The following PHACTR4 variants were observed in gnomAD, a reference collection of about 807,000 sequenced individuals.
PHACTR4 encodes the protein phosphatase and actin regulator 4, also known as protein phosphatase 1, regulatory subunit 124.
PHACTR4 carries 51 observed loss-of-function variants against 72.7 expected under a neutral mutation model. The ratio of observed to expected loss-of-function variants is 0.70; its 90% CI spans 0.56 to 0.89. The LOEUF is 0.89. Ranked by LOEUF, PHACTR4 falls within the 40% of genes least tolerant of loss-of-function variation. The probability of loss-of-function intolerance (pLI) is 0.00; values close to 1 mark genes in which losing one functional copy is unlikely to be tolerated. For synonymous variants in PHACTR4, 255 were observed against 302.5 expected (o/e 0.84, Z 1.63); for missense variants, 731 against 861.8 (o/e 0.85, Z 1.90).
intron 2 of PHACTR4, among the ~76,000 whole-genome samples, chr1:28,414,570 G>A (rs998087395): frequency 3.3e-5 from 5 of 151,612 alleles, no homozygotes; most frequent in African/African-American, 9.7e-5. Context: ...TAAAGATGCA[G>A]TCTCCCTATG....
In PHACTR4 at chr1:28,450,974, C is replaced by CTTTTTT. The variant is rs1188704308; in HGVS notation, c.17-8096_17-8091dup. The stretch of plus-strand genomic sequence containing the variant: ...TACAGGCATGTACCACCACACCCAG[C>CTTTTTT]TTTTTTTTTTTTTTTTTTTTGTATT... On this transcript the variant is annotated intron_variant, in intron 2 of 13. Transcript: ENST00000373839. Among the ~76,000 whole-genome samples the CTTTTTT allele has an allele frequency of 5.2e-3, 371 of 71,992 alleles. 17 individuals carry two copies. The highest frequency in any genetic ancestry group is 0.017 in the African/African-American group (250 of 14,590). The allele number at this position is 71,992 out of a possible 152,430, so 47.2% of individuals were successfully genotyped here.
At chr1:28,441,421 A>G (rs544928122) in intron 2 of PHACTR4, among the ~76,000 whole-genome samples, 4 of 152,250 alleles carry the variant, frequency 2.6e-5, no homozygotes, top group Middle Eastern at 3.4e-3. Context: ...GATTCCCTTG[A>G]CTTGTAATGG....
intron 2 of PHACTR4, among the ~76,000 whole-genome samples, chr1:28,453,053 A>T (rs1250829682): frequency 6.6e-6 from 1 of 152,128 alleles, no homozygotes; most frequent in African/African-American, 2.4e-5. Context: ...CAGGAGGCAG[A>T]GGTTGTGGTG....
At chr1:28,373,941 T>TA (rs1651449371) in intron 1 of PHACTR4, among the ~76,000 whole-genome samples, 1 of 152,192 alleles carries the variant, frequency 6.6e-6, no homozygotes, top group Non-Finnish European at 1.5e-5. Flanking sequence ...TCACACTTAT[T>TA]ACAGCTACTA....
At chr1:28,460,777 G>A (rs559856971) in intron 4 of PHACTR4, among the ~76,000 whole-genome samples, 2 of 152,208 alleles carry the variant, frequency 1.3e-5, no homozygotes, top group East Asian at 1.9e-4. Context: ...CCAAAGTTCT[G>A]GGACTACAGG....
intron 2 of PHACTR4, among the ~76,000 whole-genome samples, chr1:28,408,585 G>T (rs1489692730): frequency 6.6e-6 from 1 of 151,760 alleles, no homozygotes; most frequent in Non-Finnish European, 1.5e-5. Context: ...GAAAGATAAC[G>T]TGGAAGTAAT....
chr1:28,407,362 G>T, intron 1 of PHACTR4, 48 bp from the exon 2 acceptor site: 1 of 1,000,662 alleles, frequency 1.0e-6, no homozygotes, highest in Non-Finnish European at 1.5e-6. Flanking sequence ...CATAAAAGGT[G>T]ATGGACTATA....
intron 2 of PHACTR4, among the ~76,000 whole-genome samples, chr1:28,439,669 A>T (rs1417845072): frequency 6.6e-6 from 1 of 152,218 alleles, no homozygotes. Flanking sequence ...GCCACTCCCC[A>T]GCCTAACAGA....
chr1:28,429,017 G>A (rs1225685402), intron 2 of PHACTR4, among the ~76,000 whole-genome samples: 1 of 152,204 alleles, frequency 6.6e-6, no homozygotes, highest in Non-Finnish European at 1.5e-5. Flanking sequence ...CCTTCTAGAA[G>A]TGGAGGCAAG....
intron 2 of PHACTR4, among the ~76,000 whole-genome samples, chr1:28,408,285 C>T (rs564800351): frequency 7.5e-6 from 1 of 134,082 alleles, no homozygotes; most frequent in South Asian, 2.3e-4. Flanking sequence ...AGTGACTGGG[C>T]GCAGTGGCTC....
chr1:28,450,063 G>T (rs973403996), intron 2 of PHACTR4, among the ~76,000 whole-genome samples: 11 of 151,886 alleles, frequency 7.2e-5, no homozygotes, highest in African/African-American at 2.7e-4. Flanking sequence ...TGGTTTCAGG[G>T]TACTACTCAA....
chr1:28,496,490 A>G, intron 13 of PHACTR4, 44 bp from the exon 14 acceptor site: 3 of 1,605,572 alleles, frequency 1.9e-6, no homozygotes, highest in South Asian at 1.1e-5. Flanking sequence ...TAGCAAAGCA[A>G]TGTACATCAT....
Position 28,381,901 on chromosome 1 carries a change from T to G in PHACTR4, c.-39+12076T>G, listed in dbSNP as rs964334217. On this transcript the variant is annotated intron_variant, in intron 1 of 13. Coordinates refer to ENST00000373839, the MANE Select transcript of PHACTR4 (RefSeq NM_001048183.3). Reference sequence around the variant, plus strand: ...GATTCTTGTGCTTCAGCCTCCTGAGTAGCTGGGATGACTACACCACCACGC... The same window carrying G: ...GATTCTTGTGCTTCAGCCTCCTGAGGAGCTGGGATGACTACACCACCACGC... Among the ~76,000 whole-genome samples, 24 of 152,032 alleles carry G rather than the reference T, an allele frequency of 1.6e-4. 1 individual carries two copies. The highest frequency in any genetic ancestry group is 1.1e-3 in the Admixed American group (17 of 15,244).
intron 2 of PHACTR4, among the ~76,000 whole-genome samples, chr1:28,411,573 A>G (rs1283496283): frequency 6.6e-6 from 1 of 152,206 alleles, no homozygotes; most frequent in Non-Finnish European, 1.5e-5. Context: ...TCATTTGACA[A>G]AGAAAAGAAT....
intron 1 of PHACTR4, among the ~76,000 whole-genome samples, chr1:28,404,256 C>G (rs1241591488): frequency 1.6e-5 from 2 of 121,764 alleles, no homozygotes; most frequent in East Asian, 5.5e-4. Context: ...GGCCTGTGTA[C>G]AAGATTTTGT....
At chr1:28,413,304 G>C (rs1256043857) in intron 2 of PHACTR4, among the ~76,000 whole-genome samples, 1 of 152,162 alleles carries the variant, frequency 6.6e-6, no homozygotes, top group Non-Finnish European at 1.5e-5. Flanking sequence ...TATTGGTGAT[G>C]ACAGCTTTCA....
chr1:28,459,879 A>G (rs1160276844), intron 3 of PHACTR4, among the ~76,000 whole-genome samples: 1 of 152,164 alleles, frequency 6.6e-6, no homozygotes, highest in African/African-American at 2.4e-5. Flanking sequence ...GGTGAAGAAA[A>G]TGACTGAATG....
At chr1:28,419,585 G>A (rs1171711208) in intron 2 of PHACTR4, among the ~76,000 whole-genome samples, 1 of 151,846 alleles carries the variant, frequency 6.6e-6, no homozygotes, top group Non-Finnish European at 1.5e-5. Context: ...TGGGACTATA[G>A]GTGAGCAGCC....
At chr1:28,493,597 T>C (rs1248824279) in intron 13 of PHACTR4, among the ~76,000 whole-genome samples, 3 of 152,170 alleles carry the variant, frequency 2.0e-5, no homozygotes, top group Non-Finnish European at 4.4e-5. Flanking sequence ...ATGTATATTA[T>C]TTAATCCTTG....
Sources: allele counts gnomAD v4.1 joint callset (sites outside exome capture counted in the v4.1 genomes callset), GRCh38; gene constraint gnomAD v4.1.1; transcripts MANE v1.5; gene names NCBI Gene and HGNC (gene_info 2026-07-23, HGNC 2026-07-21).